The following TCF7 variants were observed in gnomAD, a reference collection of about 807,000 sequenced individuals.
TCF7 encodes T-cell-factor-7.
In TCF7, 19 loss-of-function variants were observed where a neutral mutation model predicts 46.8. The ratio of observed to expected loss-of-function variants is 0.41; its 90% CI spans 0.28 to 0.60. The LOEUF (loss-of-function observed/expected upper bound fraction) is 0.60. Among genes scored for constraint, TCF7 ranks in the 20% least tolerant of loss-of-function variants. TCF7 has a pLI of 0.35. For synonymous variants in TCF7, 245 were observed against 213.4 expected (o/e 1.15, Z -1.29); for missense variants, 547 against 504.6 (o/e 1.08, Z -0.81).
At chr5:134,131,991 C>T (rs1020916975) in intron 3 of TCF7, among the ~76,000 whole-genome samples, 1 of 152,250 alleles carries the variant, frequency 6.6e-6, no homozygotes, top group African/African-American at 2.4e-5. Context: ...TCCCAGGGGT[C>T]CTAAAACTTG....
rs748686165 is a variant in TCF7 at position 134,115,993 on chromosome 5, C to A, written c.401C>A (p.Pro134His). ...AFNLLMHYPPPSGAGQHPQPQ... is the reference protein window; with the variant it reads ...AFNLLMHYPPHSGAGQHPQPQ... Reference sequence around the variant, plus strand: ...AATCTGCTCATGCATTACCCACCCCCCTCGGGAGCAGGGCAGCACCCCCAG... The same window carrying A: ...AATCTGCTCATGCATTACCCACCCCACTCGGGAGCAGGGCAGCACCCCCAG... The change falls in exon 3 of 10, where the codon CCC becomes CAC. Residue 134 changes from proline to histidine, a missense_variant. By Grantham distance (77) the Pro-to-His change is moderately conservative (BLOSUM62 -2). Coordinates refer to ENST00000342854, the MANE Select transcript of TCF7 (RefSeq NM_003202.5). 9.9e-6 allele frequency: 16 copies of A among 1,613,712 alleles called. No homozygotes were observed. The highest frequency in any genetic ancestry group is 6.7e-5 in the African/African-American group (5 of 75,066).
chr5:134,143,648 C>G lies in TCF7; in HGVS notation c.1075+8C>G. 1 of 1,613,878 alleles carries G rather than the reference C, an allele frequency of 6.2e-7. No homozygotes were observed. Among genetic ancestry groups the G allele is most frequent in the Non-Finnish European group, 8.5e-7 (1 of 1,179,988 alleles). ...ACCAAGAATCCACCACAGGTGAGAC[C>G]TTCTCTCAGCAGCAGTGGAGGCTCC... On this transcript the variant is annotated splice_region_variant and intron_variant, in intron 9 of 9. Transcript: ENST00000342854.
At chr5:134,143,681 G>A (rs1304476721) in intron 9 of TCF7, 41 bp downstream of exon 9, 1 of 1,611,442 alleles carries the variant, frequency 6.2e-7, no homozygotes, top group Admixed American at 1.7e-5. Context: ...TCCTCTCCAT[G>A]TCCCCATTTC....
chr5:134,143,552 G>A, intron 8 of TCF7, 40 bp from the exon 9 acceptor site: 2 of 1,613,848 alleles, frequency 1.2e-6, no homozygotes, highest in Non-Finnish European at 1.7e-6. Flanking sequence ...CCCAATGTCT[G>A]CCTCCCAGAT....
intron 2 of TCF7, 88 bp downstream of exon 2, chr5:134,115,475 G>C: frequency 6.6e-7 from 1 of 1,516,964 alleles, no homozygotes; most frequent in Non-Finnish European, 8.9e-7. Context: ...CGGGGAGCCG[G>C]GTGCCTCCCC....
At chr5:134,109,770 C>CAAAAAAAAAAAAAAAAAAAAAAAAAAAAA (rs59510685), upstream of TCF7, among the ~76,000 whole-genome samples, 6 of 140,316 alleles carry the variant, frequency 4.3e-5, no homozygotes, top group African/African-American at 1.7e-4. Context: ...GGCTCCATCT[C>CAAAAAAAAAAAAAAAAAAAAAAAAAAAAA]AAAAAAAAAA....
chr5:134,138,212 G>T (rs1461453641), intron 4 of TCF7, 48 bp downstream of exon 4: 9 of 1,550,596 alleles, frequency 5.8e-6, no homozygotes, highest in Non-Finnish European at 8.0e-6. Context: ...GAGCCTAAGG[G>T]CCAAGACCCC....
At chr5:134,128,946 G>A (rs1358660972) in intron 3 of TCF7, among the ~76,000 whole-genome samples, 1 of 152,206 alleles carries the variant, frequency 6.6e-6, no homozygotes, top group Non-Finnish European at 1.5e-5. Flanking sequence ...GGGAGGTTCA[G>A]AGCCACACTG....
chr5:134,130,563 CA>C (rs1261783463), intron 3 of TCF7, among the ~76,000 whole-genome samples: 1 of 152,216 alleles, frequency 6.6e-6, no homozygotes, highest in African/African-American at 2.4e-5. Flanking sequence ...TTCTAATTAG[CA>C]CAAATGCCCC....
chr5:134,131,460 C>T (rs529793256), intron 3 of TCF7, among the ~76,000 whole-genome samples: 1 of 152,224 alleles, frequency 6.6e-6, no homozygotes, highest in Non-Finnish European at 1.5e-5. Context: ...TAGCACAAGG[C>T]TCAAGGTGGA....
At chr5:134,133,869 G>A (rs1467689392) in intron 3 of TCF7, among the ~76,000 whole-genome samples, 4 of 152,192 alleles carry the variant, frequency 2.6e-5, no homozygotes, top group Non-Finnish European at 4.4e-5. Context: ...GCAACACCCC[G>A]CAGCACTGCC....
chr5:134,146,225 A>C lies in TCF7; in HGVS notation c.1077A>C (p.Gly359=). ...GATAACTCTCTTCACTATTCCTAGGAGGAAAAAGAAATGCATTCGGTACTT... is the reference window on the plus strand; with the variant it reads ...GATAACTCTCTTCACTATTCCTAGGCGGAAAAAGAAATGCATTCGGTACTT... ...SREKHQESTT[G]GKRNAFGTYP... is the part of the protein sequence containing the mutation. Residue 359 remains glycine (G), a splice_region_variant and synonymous_variant, in exon 10 of 10, where the codon GGA becomes GGC. Transcript: ENST00000342854. 6.2e-7 allele frequency: 1 copy of C among 1,614,152 alleles called. No individual in the cohort carries two copies. Among genetic ancestry groups the C allele is most frequent in the Non-Finnish European group, 8.5e-7 (1 of 1,180,012 alleles).
intron 5 of TCF7, chr5:134,141,011 C>T (rs766716795): frequency 5.9e-5 from 19 of 324,276 alleles, no homozygotes; most frequent in Admixed American, 4.5e-5. Context: ...GTCCGTCTGT[C>T]ATTTTGCAGC....
intron 2 of TCF7, 91 bp from the exon 3 acceptor site, chr5:134,115,818 C>T (rs1755733321): frequency 1.3e-6 from 2 of 1,583,952 alleles, no homozygotes; most frequent in Admixed American, 1.8e-5. Flanking sequence ...CAGGGGACCC[C>T]TTGGCAATTC....
upstream of TCF7, among the ~76,000 whole-genome samples, chr5:134,109,770 C>CAAAAAAAAAAAAAAAAAAAA (rs59510685): frequency 1.5e-4 from 21 of 140,316 alleles, no homozygotes; most frequent in African/African-American, 5.6e-4. Context: ...GGCTCCATCT[C>CAAAAAAAAAAAAAAAAAAAA]AAAAAAAAAA....
chr5:134,142,257 T>A lies in TCF7; in HGVS notation c.708T>A (p.Ile236=). The A allele has an allele frequency of 6.2e-7, 1 of 1,608,046 alleles. No individual in the cohort carries two copies. The highest frequency in any genetic ancestry group is 8.5e-7 in the Non-Finnish European group (1 of 1,175,756). ...CAGCAGCCATCCCCCACCCGGCCATTGTGCCCCCCTCAGGGAAGCAGGAGC... is the reference window on the plus strand; with the variant it reads ...CAGCAGCCATCCCCCACCCGGCCATAGTGCCCCCCTCAGGGAAGCAGGAGC... ...GHPAAIPHPA[I]VPPSGKQELQ... is the part of the protein sequence containing the mutation. Residue 236 remains isoleucine, a synonymous_variant, in exon 6 of 10, where the codon ATT becomes ATA. Transcript: ENST00000342854.
intron 6 of TCF7, 132 bp downstream of exon 6, chr5:134,142,436 A>C: frequency 3.2e-6 from 1 of 308,156 alleles, no homozygotes; most frequent in Non-Finnish European, 6.2e-6. Context: ...TGATCCTCAG[A>C]AGTAGGAGGG....
chr5:134,124,103 A>G (rs896312767), intron 3 of TCF7, among the ~76,000 whole-genome samples: 2 of 151,900 alleles, frequency 1.3e-5, no homozygotes, highest in Non-Finnish European at 2.9e-5. Context: ...CCCATTGGTG[A>G]CTCAGCCAGG....
intron 3 of TCF7, among the ~76,000 whole-genome samples, chr5:134,116,555 G>A (rs1206528408): frequency 6.6e-6 from 1 of 152,246 alleles, no homozygotes; most frequent in Non-Finnish European, 1.5e-5. Flanking sequence ...GCCAAAGAAG[G>A]ACCCTGAACA....
Sources: allele counts gnomAD v4.1 joint callset (sites outside exome capture counted in the v4.1 genomes callset), GRCh38; gene constraint gnomAD v4.1.1; transcripts MANE v1.5; gene names NCBI Gene and HGNC (gene_info 2026-07-23, HGNC 2026-07-21).